Variants in DZIP1 observed in about 807,000 individuals in gnomAD.
DZIP1 encodes the protein cilium assembly protein DZIP1.
Under a neutral mutation model 107.6 loss-of-function variants are expected in DZIP1, and 97 were observed. The observed-to-expected ratio is 0.90, with a 90% CI of 0.77 to 1.07. DZIP1 has a LOEUF of 1.07. Ranked by LOEUF, DZIP1 falls within the 50% of genes least tolerant of loss-of-function variation. The pLI is 0.00. For missense variants in DZIP1, 1,035 were observed against 1,063.6 expected, an observed-to-expected ratio of 0.97 and a Z score of 0.37; for synonymous variants, 390 against 386.4, an observed-to-expected ratio of 1.01 and a Z score of -0.11.
At chr13:95,627,066 A>G (rs80038923) in intron 7 of DZIP1, among the ~76,000 whole-genome samples, 2,086 of 152,346 alleles carry the variant, frequency 0.014, 47 homozygotes, top group African/African-American at 0.047. Flanking sequence ...ATATTGAAAA[A>G]GAAAAACAAA....
Position 95,579,968 on chromosome 13 carries a change from T to C in DZIP1, c.*2266A>G, listed in dbSNP as rs752227958. 1.3e-5 allele frequency: 2 copies of C among 152,052 alleles called. No homozygotes were observed. Among genetic ancestry groups the C allele is most frequent in the African/African-American group, 2.4e-5 (1 of 41,388 alleles). The allele number at this position is 152,052 out of a possible 1,614,324, so 9.4% of individuals were successfully genotyped here. On this transcript the variant is annotated 3_prime_UTR_variant, in exon 23 of 23. Transcript: ENST00000376829. ...GGTCTGTTAGTAACCAGAAACACAT[T>C]AGTTGGGCATCAGTAAGGGGCAACA...
rs1052533953 is a variant in DZIP1, at chr13:95,579,634, A to T, written c.*2600T>A. Reference sequence around the variant, plus strand: ...TATGAATCACAACGTGGGTGAATGTAGTATTTTCCTGAAGTGTGAAAGACT... The same window carrying T: ...TATGAATCACAACGTGGGTGAATGTTGTATTTTCCTGAAGTGTGAAAGACT... On this transcript the variant is annotated 3_prime_UTR_variant, in exon 23 of 23. Coordinates refer to ENST00000376829, the MANE Select transcript of DZIP1 (RefSeq NM_198968.4). 2.0e-5 allele frequency: 3 copies of T among 152,250 alleles called. No individual in the cohort carries two copies. The highest frequency in any genetic ancestry group is 2.0e-4 in the Admixed American group (3 of 15,280). 9.4% of individuals were successfully genotyped at this position (152,250 alleles called of 1,614,324 possible).
intron 13 of DZIP1, among the ~76,000 whole-genome samples, chr13:95,607,202 A>T (rs2044810577): frequency 6.6e-6 from 1 of 152,120 alleles, no homozygotes; most frequent in Admixed American, 6.5e-5. Context: ...ATGCGGCACC[A>T]TGCTCAGCTA....
At position 95,578,489 on chromosome 13, in the gene DZIP1, A is replaced by G. The variant is rs2043969841; in HGVS notation, c.*3745T>C. 6.6e-6 allele frequency: 1 copy of G among 152,276 alleles called. No individual in the cohort carries two copies. Among genetic ancestry groups the G allele is most frequent in the Non-Finnish European group, 1.5e-5 (1 of 68,082 alleles). 9.4% of individuals were successfully genotyped at this position (152,276 alleles called of 1,614,324 possible). A position where few individuals can be genotyped will look rare whatever the true frequency, so the allele number is the denominator to read the frequency against. On this transcript the variant is annotated 3_prime_UTR_variant, in exon 23 of 23. Transcript: ENST00000376829. ...ACATGTTACTGGCTGCACACAGGCA[A>G]ATTCTAGTTTGTTTTTTTTAAGTAT...
At chr13:95,601,438 C>T (rs1245641873) in intron 14 of DZIP1, among the ~76,000 whole-genome samples, 1 of 152,172 alleles carries the variant, frequency 6.6e-6, no homozygotes, top group Non-Finnish European at 1.5e-5. Context: ...TCAAAAAAAT[C>T]CTTGTCAGTT....
intron 10 of DZIP1, among the ~76,000 whole-genome samples, chr13:95,614,859 C>A (rs1222315802): frequency 6.6e-6 from 1 of 152,110 alleles, no homozygotes; most frequent in Non-Finnish European, 1.5e-5. Flanking sequence ...TGCCAAGAAT[C>A]TAAGTAAATC....
At chr13:95,601,245 A>C (rs1244659944) in intron 14 of DZIP1, among the ~76,000 whole-genome samples, 2 of 152,242 alleles carry the variant, frequency 1.3e-5, no homozygotes, top group Admixed American at 1.3e-4. Context: ...AGGCTGGCCA[A>C]ACCCCAGCTC....
chr13:95,608,981 G>A (rs1326445904), intron 13 of DZIP1, among the ~76,000 whole-genome samples: 1 of 152,206 alleles, frequency 6.6e-6, no homozygotes, highest in Admixed American at 6.5e-5. Context: ...CAACTGTAAA[G>A]ATTATGTCCT....
chr13:95,602,477 G>A (rs1204213694), intron 14 of DZIP1, among the ~76,000 whole-genome samples: 1 of 152,144 alleles, frequency 6.6e-6, no homozygotes, highest in African/African-American at 2.4e-5. Context: ...AGTTCCGTGG[G>A]GACAGGCTTC....
intron 6 of DZIP1, among the ~76,000 whole-genome samples, chr13:95,631,233 A>G (rs1390813534): frequency 1.3e-5 from 2 of 152,142 alleles, no homozygotes; most frequent in Non-Finnish European, 2.9e-5. Context: ...AGGGGGATGA[A>G]TTACTTGAGG....
In DZIP1 at chr13:95,622,523, A is replaced by C. The variant is rs200135162; in HGVS notation, c.973-43T>G. ...AGCTCAGTACTACAGTTAGACTTTC[A>C]TAAGATGGAAACAGAGAATAAAATC... On this transcript the variant is annotated intron_variant, in intron 8 of 22. Transcript: ENST00000376829. The C allele has an allele frequency of 2.5e-6, 4 of 1,610,266 alleles. No homozygotes were observed. The African/African-American group carries it at 5.3e-5, about 21-fold the overall frequency.
intron 10 of DZIP1, among the ~76,000 whole-genome samples, chr13:95,619,520 G>C (rs16951267): frequency 0.013 from 1,911 of 152,266 alleles, 37 homozygotes; most frequent in Middle Eastern, 0.054. Flanking sequence ...CCAATGCATC[G>C]TAAAACCTTC....
intron 14 of DZIP1, 97 bp from the exon 15 acceptor site, chr13:95,599,521 AT>A: frequency 1.8e-6 from 2 of 1,092,922 alleles, no homozygotes; most frequent in Non-Finnish European, 1.4e-6. Flanking sequence ...ATTCCATGGT[AT>A]TTTAGTCATG....
At chr13:95,614,616 C>T (rs1339101139) in intron 10 of DZIP1, among the ~76,000 whole-genome samples, 1 of 152,068 alleles carries the variant, frequency 6.6e-6, no homozygotes, top group African/African-American at 2.4e-5. Flanking sequence ...CAAACATAGC[C>T]AGAAATTATT....
At chr13:95,595,549 C>T (rs1210524358) in intron 15 of DZIP1, among the ~76,000 whole-genome samples, 1 of 151,882 alleles carries the variant, frequency 6.6e-6, no homozygotes, top group Non-Finnish European at 1.5e-5. Context: ...ATTCTGAAAC[C>T]ACCAAAAAAA....
In DZIP1 at chr13:95,641,552, C is replaced by A; in HGVS notation, c.340G>T (p.Asp114Tyr). Reference sequence around the variant, plus strand: ...CGGATGAGCTTCAGCAGCACCGGGTCCACCCCCGACTGGCAGTGTGGGCAC... The same window carrying A: ...CGGATGAGCTTCAGCAGCACCGGGTACACCCCCGACTGGCAGTGTGGGCAC... Reference protein sequence around the residue: ...EKCPHCQSGVDPVLLKLIRLA... With the variant: ...EKCPHCQSGVYPVLLKLIRLA... The change falls in exon 5 of 23, where the codon GAC becomes TAC. Residue 114 changes from aspartate (D) to tyrosine (Y), a missense_variant. Coordinates refer to ENST00000376829, the MANE Select transcript of DZIP1 (RefSeq NM_198968.4). The surrounding 1 kb of genome is among the most constrained non-coding windows in gnomAD (Gnocchi z 4.3). 1 of 1,613,960 alleles carries A rather than the reference C, an allele frequency of 6.2e-7. No individual in the cohort carries two copies. The highest frequency in any genetic ancestry group is 8.5e-7 in the Non-Finnish European group (1 of 1,180,052).
In DZIP1 at chr13:95,642,126, C is replaced by G; in HGVS notation, c.-97G>C. The G allele has an allele frequency of 7.1e-7, 1 of 1,407,652 alleles. No individual in the cohort carries two copies. The highest frequency in any genetic ancestry group is 9.2e-7 in the Non-Finnish European group (1 of 1,082,854). 87.2% of individuals were successfully genotyped at this position (1,407,652 alleles called of 1,614,324 possible). A position where few individuals can be genotyped will look rare whatever the true frequency, so the allele number is the denominator to read the frequency against. Reference sequence around the variant, plus strand: ...GGGAGAAGGCCGGGTTCCTCGCTTCCGCGGCGGCGGCGGCCTAAGGTCTGG... The same window carrying G: ...GGGAGAAGGCCGGGTTCCTCGCTTCGGCGGCGGCGGCGGCCTAAGGTCTGG... On this transcript the variant is annotated 5_prime_UTR_variant, in exon 4 of 23. Coordinates refer to ENST00000376829, the MANE Select transcript of DZIP1 (RefSeq NM_198968.4).
chr13:95,617,788 G>A (rs1001780036), intron 10 of DZIP1, among the ~76,000 whole-genome samples: 4 of 152,116 alleles, frequency 2.6e-5, no homozygotes, highest in Admixed American at 6.5e-5. Context: ...GGGGAAGGCT[G>A]GAATTGAGGA....
rs368735650 is a variant in DZIP1 at position 95,641,077 on chromosome 13, G to T, written c.597+218C>A. On this transcript the variant is annotated intron_variant, in intron 5 of 22. Coordinates refer to ENST00000376829, the MANE Select transcript of DZIP1 (RefSeq NM_198968.4). The surrounding 1 kb of genome is among the most constrained non-coding windows in gnomAD (Gnocchi z 4.3). ...ATAACTTCCATAAAGCACCACAGACGACATTTGTTGTTTAATTATTAATCC... is the reference window on the plus strand; with the variant it reads ...ATAACTTCCATAAAGCACCACAGACTACATTTGTTGTTTAATTATTAATCC... Among the ~76,000 whole-genome samples the T allele has an allele frequency of 9.2e-5, 14 of 152,300 alleles. No homozygotes were observed. The highest frequency in any genetic ancestry group is 3.4e-4 in the African/African-American group (14 of 41,566).
Sources: allele counts gnomAD v4.1 joint callset (sites outside exome capture counted in the v4.1 genomes callset), GRCh38; gene constraint gnomAD v4.1.1; non-coding constraint Gnocchi (gnomAD v3.1); transcripts MANE v1.5; gene names NCBI Gene and HGNC (gene_info 2026-07-23, HGNC 2026-07-21).